Variants in PRICKLE1 observed in about 807,000 individuals in gnomAD.
PRICKLE1 encodes the protein prickle-like protein 1.
Under a neutral mutation model 70.2 loss-of-function variants are expected in PRICKLE1, and 14 were observed. That is an observed-to-expected ratio of 0.20 (90% CI 0.13 to 0.31). The LOEUF is 0.31. PRICKLE1 is among the 10% of genes least tolerant of loss of function. The probability of loss-of-function intolerance (pLI) is 1.00; values close to 1 mark genes in which losing one functional copy is unlikely to be tolerated. For missense variants in PRICKLE1, 821 were observed against 1,026.2 expected (o/e 0.80, Z 2.73); for synonymous variants, 357 against 379.9 (o/e 0.94, Z 0.70).
At chr12:42,510,143 G>A (rs1431836720) in intron 1 of PRICKLE1, among the ~76,000 whole-genome samples, 1 of 151,664 alleles carries the variant, frequency 6.6e-6, no homozygotes, top group Non-Finnish European at 1.5e-5. Flanking sequence ...CGCCCAGGCT[G>A]GAGTGCAGTG....
At chr12:42,485,967 C>T (rs1303536454) in intron 1 of PRICKLE1, among the ~76,000 whole-genome samples, 2 of 152,160 alleles carry the variant, frequency 1.3e-5, no homozygotes, top group Admixed American at 1.3e-4. Flanking sequence ...AGACTTTAGT[C>T]TGGTCTGAAA....
intron 1 of PRICKLE1, among the ~76,000 whole-genome samples, chr12:42,552,059 CTTTTTTTT>C (rs201217516): frequency 4.8e-4 from 62 of 129,246 alleles, no homozygotes; most frequent in Non-Finnish European, 6.2e-4. Flanking sequence ...AAGAAAGTTA[CTTTTTTTT>C]TTTTTTTTTT....
Position 42,464,791 on chromosome 12 carries a change from T to C in PRICKLE1, c.1243A>G (p.Met415Val), listed in dbSNP as rs776720321. 7.4e-6 allele frequency: 12 copies of C among 1,614,072 alleles called. No homozygotes were observed. In the Admixed American group the frequency reaches 1.8e-4, roughly 25 times the overall value. The stretch of plus-strand genomic sequence containing the variant: ...CCAAACTTGAGGAGGAGCTGCGTCA[T>C]ATAATCTTCATGATCAGCCCATTCT... The part of the protein sequence containing the change: ...PEEWADHEDY[M>V]TQLLLKFGDK... The change falls in exon 7 of 8, where the codon ATG (methionine) becomes GTG (valine). Residue 415 changes from methionine to valine, a missense_variant. Met to Val is a conservative substitution (Grantham distance 21, BLOSUM62 1). Coordinates refer to ENST00000345127, the MANE Select transcript of PRICKLE1 (RefSeq NM_153026.3). The surrounding 1 kb of genome is among the most constrained non-coding windows in gnomAD (Gnocchi z 4.2).
intron 1 of PRICKLE1, among the ~76,000 whole-genome samples, chr12:42,572,686 G>A (rs1446957774): frequency 2.0e-5 from 3 of 151,878 alleles, no homozygotes; most frequent in Non-Finnish European, 4.4e-5. Flanking sequence ...AATCAGCAAG[G>A]CATGGTGGCA....
intron 1 of PRICKLE1, among the ~76,000 whole-genome samples, chr12:42,535,037 T>C (rs1939994261): frequency 6.6e-6 from 1 of 152,222 alleles, no homozygotes. Context: ...GAACCCACCC[T>C]CGGGTTTAGG....
At chr12:42,501,308 T>TGG (rs1939301939) in intron 1 of PRICKLE1, among the ~76,000 whole-genome samples, 1 of 151,892 alleles carries the variant, frequency 6.6e-6, no homozygotes, top group South Asian at 2.1e-4. Flanking sequence ...ATTGAGACCA[T>TGG]CCTGGCCAAC....
At position 42,589,221 on chromosome 12, in the gene PRICKLE1, C is replaced by A. The variant is rs1941035869; in HGVS notation, c.-49+244G>T. ...TGGTTGTGATGCAGCAAACAGGAGCCATGCGGAGAGCCTCTGCGGAGCCCT... is the reference window on the plus strand; with the variant it reads ...TGGTTGTGATGCAGCAAACAGGAGCAATGCGGAGAGCCTCTGCGGAGCCCT... On this transcript the variant is annotated intron_variant, in intron 1 of 7. Transcript: ENST00000345127. The surrounding 1 kb of genome is among the most constrained non-coding windows in gnomAD (Gnocchi z 5.0). 1 of 152,274 alleles carries A rather than the reference C, an allele frequency of 6.6e-6. No homozygotes were observed. The highest frequency in any genetic ancestry group is 1.5e-5 in the Non-Finnish European group (1 of 68,112). 9.4% of individuals were successfully genotyped at this position (152,274 alleles called of 1,614,324 possible).
intron 1 of PRICKLE1, among the ~76,000 whole-genome samples, chr12:42,495,637 T>G (rs1432098517): frequency 6.6e-6 from 1 of 152,050 alleles, no homozygotes; most frequent in Non-Finnish European, 1.5e-5. Flanking sequence ...GTCGCCAGGC[T>G]GGGTGCAGTG....
chr12:42,514,912 T>TCTAA (rs1939580519), intron 1 of PRICKLE1, among the ~76,000 whole-genome samples: 1 of 112,742 alleles, frequency 8.9e-6, no homozygotes, highest in African/African-American at 2.6e-5. Flanking sequence ...TATCTATCTA[T>TCTAA]CTATCTATCT....
intron 1 of PRICKLE1, among the ~76,000 whole-genome samples, chr12:42,586,324 C>G (rs1456875384): frequency 6.6e-6 from 1 of 151,932 alleles, no homozygotes; most frequent in Non-Finnish European, 1.5e-5. Flanking sequence ...AGAGTCTATC[C>G]TAGTCAAATG....
At chr12:42,503,190 T>C (rs538481908) in intron 1 of PRICKLE1, among the ~76,000 whole-genome samples, 7 of 152,360 alleles carry the variant, frequency 4.6e-5, no homozygotes, top group South Asian at 4.1e-4. Context: ...TCAACACTTG[T>C]GCATTCTGAG....
At chr12:42,512,314 G>C (rs1022367038) in intron 1 of PRICKLE1, among the ~76,000 whole-genome samples, 1 of 150,972 alleles carries the variant, frequency 6.6e-6, no homozygotes, top group Non-Finnish European at 1.5e-5. Flanking sequence ...GGGACTACAG[G>C]TGTGCGGCAC....
At chr12:42,520,550 T>G (rs1260584133) in intron 1 of PRICKLE1, among the ~76,000 whole-genome samples, 2 of 152,216 alleles carry the variant, frequency 1.3e-5, no homozygotes, top group Non-Finnish European at 2.9e-5. Context: ...CTTTGCACAG[T>G]GGGGAGTTAC....
At chr12:42,584,064 T>C (rs76813314) in intron 1 of PRICKLE1, among the ~76,000 whole-genome samples, 1,865 of 152,294 alleles carry the variant, frequency 0.012, 31 homozygotes, top group Non-Finnish European at 0.014. Flanking sequence ...AAGGGTTCAG[T>C]GTTCAGAGAT....
At chr12:42,477,040 AAACACAGTTCTT>A (rs1938565836) in intron 1 of PRICKLE1, among the ~76,000 whole-genome samples, 1 of 152,184 alleles carries the variant, frequency 6.6e-6, no homozygotes, top group Admixed American at 6.5e-5. Context: ...AGTGGCAGCT[AAACACAGTTCTT>A]ACGCTTGTAA....
At chr12:42,529,079 G>A (rs1939863132) in intron 1 of PRICKLE1, among the ~76,000 whole-genome samples, 1 of 152,028 alleles carries the variant, frequency 6.6e-6, no homozygotes, top group Admixed American at 6.6e-5. Context: ...TTAGCTCTGT[G>A]GCATTACACA....
intron 1 of PRICKLE1, among the ~76,000 whole-genome samples, chr12:42,577,157 C>A (rs139946161): frequency 6.6e-6 from 1 of 152,314 alleles, no homozygotes; most frequent in East Asian, 1.9e-4. Flanking sequence ...AGTGAACATG[C>A]TAATTTGAGT....
At chr12:42,476,433 C>T (rs752634989) in intron 1 of PRICKLE1, among the ~76,000 whole-genome samples, 13 of 151,540 alleles carry the variant, frequency 8.6e-5, no homozygotes, top group East Asian at 3.9e-4. Context: ...CTGCCCACTT[C>T]GGCCTCTCAA....
chr12:42,467,397 G>A (rs1166953515), intron 5 of PRICKLE1, among the ~76,000 whole-genome samples: 1 of 151,712 alleles, frequency 6.6e-6, no homozygotes, highest in East Asian at 1.9e-4. Flanking sequence ...TTACAGGCGT[G>A]AGCCACCGAG....
Sources: gnomAD v4.1 joint callset for allele counts (sites outside exome capture counted in the v4.1 genomes callset) on GRCh38, gnomAD v4.1.1 for gene constraint, Gnocchi (gnomAD v3.1) non-coding constraint, MANE v1.5 for transcripts, NCBI Gene and HGNC (gene_info 2026-07-23, HGNC 2026-07-21) for gene names.